SETD3: variants seen among roughly 807,000 people sequenced by gnomAD.
SETD3 encodes the protein SET domain containing 3, actin N3(tau)-histidine methyltransferase.
A neutral mutation model predicts 63.0 loss-of-function variants in SETD3; 19 were observed. That is an observed-to-expected ratio of 0.30 (90% CI 0.21 to 0.44). SETD3 has a LOEUF of 0.44. Among genes scored for constraint, SETD3 ranks in the 20% least tolerant of loss-of-function variants. SETD3 has a pLI of 1.00. For synonymous variants in SETD3, 286 were observed against 264.1 expected (o/e 1.08, Z -0.80); for missense variants, 587 against 728.5 (o/e 0.81, Z 2.24).
rs184770962 is a variant in SETD3, at chr14:99,414,004, A to G, written c.676-70T>C. ...GGGAAAACAGAAATCAGTCAGCAGAATTTCATTATTTAGCTGCCTAACAGA... is the reference window on the plus strand; with the variant it reads ...GGGAAAACAGAAATCAGTCAGCAGAGTTTCATTATTTAGCTGCCTAACAGA... On this transcript the variant is annotated intron_variant, in intron 6 of 12. Transcript: ENST00000331768. The G allele has an allele frequency of 9.8e-5, 137 of 1,403,388 alleles. 1 individual carries two copies. The Admixed American group carries it at 2.3e-3, about 23-fold the overall frequency. The allele number at this position is 1,403,388 out of a possible 1,614,324, so 86.9% of individuals were successfully genotyped here. A position where few individuals can be genotyped will look rare whatever the true frequency, so the allele number is the denominator to read the frequency against.
intron 6 of SETD3, among the ~76,000 whole-genome samples, chr14:99,457,456 T>TAA: frequency 6.6e-6 from 1 of 152,180 alleles, no homozygotes; most frequent in Non-Finnish European, 1.5e-5. Context: ...TTCTTGCAAA[T>TAA]AAAACATAGC....
chr14:99,404,146 A>T, intron 11 of SETD3, 79 bp downstream of exon 11: 2 of 1,150,014 alleles, frequency 1.7e-6, no homozygotes, highest in Non-Finnish European at 1.3e-6. Flanking sequence ...CTTTACCTTT[A>T]ATCTGAATCC....
intron 6 of SETD3, among the ~76,000 whole-genome samples, chr14:99,414,822 T>C (rs2139647820): frequency 6.6e-6 from 1 of 152,196 alleles, no homozygotes; most frequent in East Asian, 1.9e-4. Context: ...CAAATGGTTA[T>C]TTCTGAGATA....
chr14:99,444,788 T>C (rs1465674088), intron 6 of SETD3, among the ~76,000 whole-genome samples: 5 of 152,096 alleles, frequency 3.3e-5, no homozygotes, highest in Admixed American at 2.0e-4. Flanking sequence ...TGAGCCGTGA[T>C]TGAGCCACTG....
At chr14:99,412,128 T>C (rs1892026508) in intron 8 of SETD3, 1 of 152,254 alleles carries the variant, frequency 6.6e-6, no homozygotes, top group Admixed American at 6.5e-5. Context: ...TAAAGTATGA[T>C]ATTTCAAAAT....
At chr14:99,438,057 T>C (rs531349432) in intron 6 of SETD3, among the ~76,000 whole-genome samples, 111 of 152,288 alleles carry the variant, frequency 7.3e-4, no homozygotes, top group African/African-American at 2.6e-3. Context: ...CTCTATCAAA[T>C]AAAAACTGGC....
At chr14:99,404,584 T>C (rs1283919918) in intron 10 of SETD3, among the ~76,000 whole-genome samples, 2 of 152,098 alleles carry the variant, frequency 1.3e-5, no homozygotes, top group African/African-American at 4.8e-5. Context: ...TTGCACATAA[T>C]ACATTCAAAA....
chr14:99,413,799 C>T, intron 7 of SETD3, 77 bp downstream of exon 7: 3 of 1,370,168 alleles, frequency 2.2e-6, no homozygotes, highest in Non-Finnish European at 2.1e-6. Flanking sequence ...TCACTGAAGC[C>T]CTTCCCTCCC....
At chr14:99,464,733 T>A (rs1391119945) in intron 2 of SETD3, among the ~76,000 whole-genome samples, 1 of 152,244 alleles carries the variant, frequency 6.6e-6, no homozygotes, top group East Asian at 1.9e-4. Flanking sequence ...TTGCACCAAT[T>A]CAAATTCATA....
chr14:99,460,876 CA>C (rs1361434896), intron 4 of SETD3, among the ~76,000 whole-genome samples: 3 of 152,206 alleles, frequency 2.0e-5, no homozygotes, highest in Admixed American at 2.0e-4. Flanking sequence ...TTACAAAATC[CA>C]AACCATGAGT....
chr14:99,432,795 G>A (rs1228853751), intron 6 of SETD3, among the ~76,000 whole-genome samples: 6 of 152,132 alleles, frequency 3.9e-5, no homozygotes, highest in African/African-American at 7.2e-5. Flanking sequence ...TTTGCTGTGG[G>A]GATGTCCTCT....
At chr14:99,470,382 G>A (rs920207902) in intron 1 of SETD3, among the ~76,000 whole-genome samples, 7 of 152,262 alleles carry the variant, frequency 4.6e-5, no homozygotes, top group Admixed American at 3.9e-4. Flanking sequence ...TCTCTCCCAC[G>A]GGGATACAGG....
At chr14:99,410,269 TG>T (rs752983734) in intron 8 of SETD3, 12 of 1,612,346 alleles carry the variant, frequency 7.4e-6, no homozygotes, top group African/African-American at 2.7e-5. Flanking sequence ...ACGGAGGGTG[TG>T]GGGGGACAGG....
intron 6 of SETD3, among the ~76,000 whole-genome samples, chr14:99,440,585 C>T (rs1893746980): frequency 6.6e-6 from 1 of 152,038 alleles, no homozygotes; most frequent in African/African-American, 2.4e-5. Flanking sequence ...TGAGCCCTGG[C>T]TGGAGGACTC....
chr14:99,425,555 TTATTAGTC>T (rs1292080680), intron 6 of SETD3, among the ~76,000 whole-genome samples: 2 of 152,250 alleles, frequency 1.3e-5, no homozygotes, highest in African/African-American at 4.8e-5. Flanking sequence ...GCGTCAGCTG[TTATTAGTC>T]TTTAGTTTCT....
At chr14:99,471,529 G>A (rs1595275629) in intron 1 of SETD3, among the ~76,000 whole-genome samples, 1 of 152,216 alleles carries the variant, frequency 6.6e-6, no homozygotes, top group South Asian at 2.1e-4. Context: ...CAGGTGCTCA[G>A]GAGGCTGAGG....
chr14:99,411,629 C>T (rs749915855), intron 8 of SETD3: 7 of 151,010 alleles, frequency 4.6e-5, no homozygotes, highest in African/African-American at 1.7e-4. Context: ...TGATCTCATT[C>T]AAAAAAAGAA....
intron 2 of SETD3, among the ~76,000 whole-genome samples, chr14:99,464,925 T>C (rs775295794): frequency 6.6e-6 from 1 of 152,110 alleles, no homozygotes; most frequent in Non-Finnish European, 1.5e-5. Context: ...GGAGGATCTC[T>C]CGAGCCCAAG....
chr14:99,457,130 G>A lies in SETD3; in HGVS notation c.675+1149C>T, dbSNP rs111352840. Among the ~76,000 whole-genome samples, 1,275 of 152,330 alleles carry A rather than the reference G, an allele frequency of 8.4e-3. 15 individuals are homozygous for A. The highest frequency in any genetic ancestry group is 0.029 in the African/African-American group (1,195 of 41,554). On this transcript the variant is annotated intron_variant, in intron 6 of 12. Transcript: ENST00000331768. The stretch of plus-strand genomic sequence containing the variant: ...GAGCCAAACCAACCTTAGACTGCAG[G>A]ACTGCAGGTGCACACTATATGAAGA...
Sources: gnomAD v4.1 joint callset for allele counts (sites outside exome capture counted in the v4.1 genomes callset) on GRCh38, gnomAD v4.1.1 for gene constraint, MANE v1.5 for transcripts, NCBI Gene and HGNC (gene_info 2026-07-23, HGNC 2026-07-21) for gene names.